TCF4: variants seen among roughly 807,000 people sequenced by gnomAD.
TCF4 encodes the protein SL3-3 enhancer factor 2.
TCF4 carries 3 observed loss-of-function variants against 82.1 expected under a neutral mutation model. The observed-to-expected ratio is 0.04, with a 90% CI of 0.02 to 0.09. The LOEUF (loss-of-function observed/expected upper bound fraction) is 0.09, where lower values mean the gene tolerates loss of function less well. Among genes scored for constraint, TCF4 ranks in the 10% least tolerant of loss-of-function variants. The pLI is 1.00. For synonymous variants in TCF4, 276 were observed against 309.6 expected, an observed-to-expected ratio of 0.89 and a Z score of 1.14; for missense variants, 518 against 852.7, an observed-to-expected ratio of 0.61 and a Z score of 4.89.
At chr18:55,384,685 T>C (rs1346601128) in intron 6 of TCF4, among the ~76,000 whole-genome samples, 1 of 152,168 alleles carries the variant, frequency 6.6e-6, no homozygotes, top group Non-Finnish European at 1.5e-5. Flanking sequence ...AAGTTATCCA[T>C]CCACCTGACC....
At chr18:55,334,987 T>C (rs1455085799) in intron 8 of TCF4, among the ~76,000 whole-genome samples, 7 of 152,208 alleles carry the variant, frequency 4.6e-5, no homozygotes, top group African/African-American at 1.2e-4. Flanking sequence ...TTCTTGGGAA[T>C]TGCAAATAAT....
intron 8 of TCF4, among the ~76,000 whole-genome samples, chr18:55,307,239 T>C (rs2070678339): frequency 6.6e-6 from 1 of 152,232 alleles, no homozygotes; most frequent in Non-Finnish European, 1.5e-5. Flanking sequence ...AACTTGGGTG[T>C]TTATGACTGG....
intron 5 of TCF4, among the ~76,000 whole-genome samples, chr18:55,438,200 CAAA>C (rs1295763534): frequency 6.3e-5 from 4 of 63,846 alleles, no homozygotes; most frequent in Admixed American, 1.8e-4. Flanking sequence ...GACTTCGTCT[CAAA>C]AAAAAAAAAA....
intron 5 of TCF4, among the ~76,000 whole-genome samples, chr18:55,406,126 C>CT (rs34522468): frequency 0.15 from 17,562 of 115,852 alleles, 1,401 homozygotes; most frequent in Non-Finnish European, 0.18. Context: ...GGGAGGTGGA[C>CT]TTTTTTTTTT....
In TCF4 at chr18:55,319,794, T is replaced by A. The variant is rs570450467; in HGVS notation, c.549+30565A>T. Among the ~76,000 whole-genome samples the A allele has an allele frequency of 1.9e-4, 29 of 152,230 alleles. 2 individuals carry two copies. In the South Asian group the frequency reaches 5.4e-3, roughly 28 times the overall value. On this transcript the variant is annotated intron_variant, in intron 8 of 19. Coordinates refer to ENST00000354452, the MANE Select transcript of TCF4 (RefSeq NM_001083962.2). ...GGAGGCAACTGGCAAGCTGTGGGAA[T>A]GGAATACATATTTTTGAAAATTCCT...
At chr18:55,556,988 G>T (rs796374391) in intron 3 of TCF4, among the ~76,000 whole-genome samples, 14 of 152,188 alleles carry the variant, frequency 9.2e-5, no homozygotes, top group African/African-American at 3.4e-4. Context: ...TGGGAATCTA[G>T]GAACAACCCC....
intron 16 of TCF4, 184 bp downstream of exon 16, chr18:55,234,364 C>CT: frequency 1.3e-6 from 1 of 786,438 alleles, no homozygotes; most frequent in Non-Finnish European, 2.0e-6. Context: ...AAAACAGTCC[C>CT]TGGAGAAACA....
At chr18:55,595,274 C>A (rs765039484) in intron 2 of TCF4, among the ~76,000 whole-genome samples, 1 of 152,284 alleles carries the variant, frequency 6.6e-6, no homozygotes, top group Middle Eastern at 3.4e-3. Flanking sequence ...TAGGAAAAAT[C>A]AAAATTCTGC....
At chr18:55,327,087 A>G (rs1314863401) in intron 8 of TCF4, among the ~76,000 whole-genome samples, 1 of 152,172 alleles carries the variant, frequency 6.6e-6, no homozygotes, top group African/African-American at 2.4e-5. Context: ...TCTTACGTGT[A>G]TATTCCCATA....
chr18:55,223,787 G>A lies in TCF4; in HGVS notation c.*4248C>T, dbSNP rs1300247611. The stretch of plus-strand genomic sequence containing the variant: ...CAGTCGCAAAAAATTTCCCCGCTGC[G>A]ACCTACAACTAAAAACAAAAACAAA... On this transcript the variant is annotated 3_prime_UTR_variant, in exon 20 of 20. Transcript: ENST00000354452. The A allele has an allele frequency of 2.1e-5, 3 of 144,068 alleles. No individual in the cohort carries two copies. The highest frequency in any genetic ancestry group is 7.7e-5 in the African/African-American group (3 of 38,776). 8.9% of individuals were successfully genotyped at this position (144,068 alleles called of 1,614,324 possible).
chr18:55,350,642 C>T (rs111664183), intron 7 of TCF4, among the ~76,000 whole-genome samples: 282 of 152,066 alleles, frequency 1.9e-3, no homozygotes, highest in African/African-American at 6.0e-3. Flanking sequence ...CTTATGGGTG[C>T]AGCTAAGAGA....
intron 2 of TCF4, among the ~76,000 whole-genome samples, chr18:55,600,746 G>A (rs1339111572): frequency 6.6e-6 from 1 of 151,994 alleles, no homozygotes; most frequent in Non-Finnish European, 1.5e-5. Flanking sequence ...CCTTATTTGG[G>A]GGTTCCAACA....
intron 5 of TCF4, among the ~76,000 whole-genome samples, chr18:55,411,637 G>A (rs943392172): frequency 2.8e-4 from 42 of 152,178 alleles, no homozygotes; most frequent in African/African-American, 9.7e-4. Context: ...AAACCTTGCT[G>A]ATCAGGAGAA....
chr18:55,542,723 A>T (rs759648271), intron 3 of TCF4, among the ~76,000 whole-genome samples: 2 of 151,958 alleles, frequency 1.3e-5, no homozygotes, highest in Admixed American at 6.6e-5. Flanking sequence ...GTCCACACTA[A>T]CTAAATATAT....
At chr18:55,301,965 C>A (rs2068465046) in intron 8 of TCF4, among the ~76,000 whole-genome samples, 1 of 152,086 alleles carries the variant, frequency 6.6e-6, no homozygotes, top group South Asian at 2.1e-4. Context: ...GATTTAAGCT[C>A]AATTTACAAT....
intron 1 of TCF4, among the ~76,000 whole-genome samples, chr18:55,631,621 A>C (rs187631596): frequency 2.9e-4 from 44 of 152,328 alleles, no homozygotes; most frequent in African/African-American, 1.0e-3. Context: ...CTGAGCTGGA[A>C]AGCAAAAGGG....
At chr18:55,321,750 C>CT (rs1330707045) in intron 8 of TCF4, 3 of 1,535,832 alleles carry the variant, frequency 2.0e-6, no homozygotes, top group Non-Finnish European at 8.7e-7. Flanking sequence ...GTCTCGGATT[C>CT]TTTTTTCTCC....
intron 2 of TCF4, among the ~76,000 whole-genome samples, chr18:55,595,219 G>C (rs1296069934): frequency 6.6e-6 from 1 of 152,184 alleles, no homozygotes; most frequent in Non-Finnish European, 1.5e-5. Context: ...TGTCAAAGAT[G>C]CGTTTTTCCC....
rs766637597 is a variant in TCF4 at position 55,463,948 on chromosome 18, C to G, written c.207+128G>C. ...TGTGTGCGTGTGCATGCCCATGCCTCTGTGTGTGTGTGTGTGTGTGTGTGT... is the reference window on the plus strand; with the variant it reads ...TGTGTGCGTGTGCATGCCCATGCCTGTGTGTGTGTGTGTGTGTGTGTGTGT... On this transcript the variant is annotated intron_variant, in intron 4 of 19. Transcript: ENST00000354452. 0.022 allele frequency: 15,158 copies of G among 702,148 alleles called. 173 individuals carry two copies. Among genetic ancestry groups the G allele is most frequent in the Non-Finnish European group, 0.03 (11,508 of 388,470 alleles). The allele number at this position is 702,148 out of a possible 1,614,324, so 43.5% of individuals were successfully genotyped here.
Sources: allele counts gnomAD v4.1 joint callset (sites outside exome capture counted in the v4.1 genomes callset), GRCh38; gene constraint gnomAD v4.1.1; transcripts MANE v1.5; gene names NCBI Gene and HGNC (gene_info 2026-07-23, HGNC 2026-07-21).